The following BPTF variants were observed in gnomAD, a reference collection of about 807,000 sequenced individuals.
BPTF encodes the protein bromodomain PHD finger transcription factor, also known as nucleosome-remodeling factor subunit BPTF.
In BPTF, 18 loss-of-function variants were observed where a neutral mutation model predicts 292.5. The ratio of observed to expected loss-of-function variants is 0.06; its 90% CI spans 0.04 to 0.09. BPTF has a LOEUF of 0.09. Ranked by LOEUF, BPTF falls within the 10% of genes least tolerant of loss-of-function variation. The probability of loss-of-function intolerance (pLI) is 1.00; values close to 1 mark genes in which losing one functional copy is unlikely to be tolerated. For missense variants in BPTF, 2,726 were observed against 3,498.7 expected (o/e 0.78, Z 5.57); for synonymous variants, 1,225 against 1,251.9 (o/e 0.98, Z 0.45).
chr17:67,833,306 T>C (rs1202765308), intron 1 of BPTF, among the ~76,000 whole-genome samples: 1 of 150,872 alleles, frequency 6.6e-6, no homozygotes, highest in Non-Finnish European at 1.5e-5. Context: ...CTCAAACTCC[T>C]GGACTCAGGC....
At position 67,911,055 on chromosome 17, in the gene BPTF, A is replaced by G; in HGVS notation, c.3171A>G (p.Ser1057=). 2 of 1,614,130 alleles carry G rather than the reference A, an allele frequency of 1.2e-6. No homozygotes were observed. The highest frequency in any genetic ancestry group is 8.5e-7 in the Non-Finnish European group (1 of 1,180,010). Residue 1057 remains serine, a synonymous_variant, in exon 11 of 28, where the codon TCA becomes TCG. Coordinates refer to ENST00000306378, the MANE Select transcript of BPTF (RefSeq NM_182641.4). Reference sequence around the variant, plus strand: ...CTAGTTACAAAAAGAAAACAAAATCATCCAAACTAGATGGACTTCTTGAAA... The same window carrying G: ...CTAGTTACAAAAAGAAAACAAAATCGTCCAAACTAGATGGACTTCTTGAAA... ...LRTSYKKKTK[S]SKLDGLLERR...
rs776813911 is a variant in BPTF at position 67,918,815 on chromosome 17, C to T, written c.5405C>T (p.Pro1802Leu). 1.9e-6 allele frequency: 3 copies of T among 1,613,498 alleles called. No homozygotes were observed. The highest frequency in any genetic ancestry group is 2.5e-6 in the Non-Finnish European group (3 of 1,179,616). ...RWDDMAAKAP[P>L]GGGTTRTETS... ...GATGATATGGCGGCCAAGGCTCCTC[C>T]AGGAGGAGGGACTACACGGACAGGT... Residue 1802 changes from proline (P) to leucine (L), a missense_variant, in exon 12 of 28, where the codon CCA (proline) becomes CTA (leucine). By Grantham distance (98) the Pro-to-Leu change is moderately conservative. Transcript: ENST00000306378.
chr17:67,951,212 T>C (rs1555678393), intron 23 of BPTF: 1 of 152,164 alleles, frequency 6.6e-6, no homozygotes, highest in African/African-American at 2.4e-5. Flanking sequence ...TCTCTCTTTT[T>C]CTCAGAGGTT....
intron 3 of BPTF, among the ~76,000 whole-genome samples, chr17:67,873,232 C>T (rs1039385569): frequency 1.6e-4 from 24 of 152,010 alleles, no homozygotes; most frequent in African/African-American, 5.3e-4. Context: ...CTGAGGTGGG[C>T]GGATCACCTG....
rs907185574 is a variant in BPTF at position 67,841,714 on chromosome 17, T to G, written c.614-12226T>G. ...ACCATACCTGGCCATATCATTATAATTTGAAATGGTTTCTTGTTTGTTTTT... is the reference window on the plus strand; with the variant it reads ...ACCATACCTGGCCATATCATTATAAGTTGAAATGGTTTCTTGTTTGTTTTT... On this transcript the variant is annotated intron_variant, in intron 1 of 27. Transcript: ENST00000306378. Among the ~76,000 whole-genome samples, 52 of 152,164 alleles carry G rather than the reference T, an allele frequency of 3.4e-4. 1 individual carries two copies. Among genetic ancestry groups the G allele is most frequent in the Admixed American group, 2.4e-3 (37 of 15,276 alleles).
chr17:67,825,984 C>A lies in BPTF; in HGVS notation c.260C>A (p.Thr87Asn). Residue 87 changes from threonine (T) to asparagine (N), a missense_variant, in exon 1 of 28, where the codon ACC (threonine) becomes AAC (asparagine). Thr to Asn is a moderately conservative substitution (Grantham distance 65, BLOSUM62 0). This residue lies in a region of BPTF where 103 missense variants were observed against 72.1 expected (regional missense o/e 1.43). Transcript: ENST00000306378. ...CCGCCGCCGCCGGCCCCCCCCAGCA[C>A]CAGCGCCCCGGGCCGGGGGGGGCGA... ...PPPPPPAPPS[T>N]SAPGRGGRGG... is the part of the protein sequence containing the mutation. 4.6e-6 allele frequency: 5 copies of A among 1,087,130 alleles called. No homozygotes were observed. Among genetic ancestry groups the A allele is most frequent in the Non-Finnish European group, 5.6e-6 (5 of 896,152 alleles). 67.3% of individuals were successfully genotyped at this position (1,087,130 alleles called of 1,614,324 possible).
intron 9 of BPTF, among the ~76,000 whole-genome samples, 194 bp downstream of exon 9, chr17:67,905,034 A>C (rs1033804887): frequency 2.0e-5 from 3 of 152,212 alleles, no homozygotes; most frequent in African/African-American, 4.8e-5. Context: ...TTGATGTCTC[A>C]GATTTCCGTA....
At chr17:67,869,673 G>A (rs1433222216) in intron 3 of BPTF, among the ~76,000 whole-genome samples, 1 of 151,888 alleles carries the variant, frequency 6.6e-6, no homozygotes, top group Non-Finnish European at 1.5e-5. Flanking sequence ...GATTCAGCAT[G>A]TAATGTACTT....
intron 11 of BPTF, among the ~76,000 whole-genome samples, chr17:67,913,515 A>G (rs1278861217): frequency 6.6e-6 from 1 of 152,212 alleles, no homozygotes; most frequent in Non-Finnish European, 1.5e-5. Flanking sequence ...CTCTGGGAAC[A>G]AGATAACCAC....
rs1162703433 is a variant in BPTF, at chr17:67,849,281, C to T, written c.614-4659C>T. Among the ~76,000 whole-genome samples, 3 of 152,234 alleles carry T rather than the reference C, an allele frequency of 2.0e-5. No homozygotes were observed. The East Asian group carries it at 5.8e-4, about 29-fold the overall frequency. ...ATTTACCAGATGATTTTTGCTGCAC[C>T]TCCATTTCAGGGCAGCTTTTCAAAC... On this transcript the variant is annotated intron_variant, in intron 1 of 27. Coordinates refer to ENST00000306378, the MANE Select transcript of BPTF (RefSeq NM_182641.4).
At chr17:67,885,696 A>C (rs1567978248) in intron 4 of BPTF, among the ~76,000 whole-genome samples, 1 of 152,208 alleles carries the variant, frequency 6.6e-6, no homozygotes, top group Admixed American at 6.5e-5. Flanking sequence ...TTCTGTTTCT[A>C]ATACTATTTG....
chr17:67,850,624 C>T (rs948210699), intron 1 of BPTF, among the ~76,000 whole-genome samples: 2 of 152,166 alleles, frequency 1.3e-5, no homozygotes, highest in African/African-American at 4.8e-5. Flanking sequence ...ACCTTGGACT[C>T]CCAAAGTGCT....
chr17:67,881,192 G>T (rs1327210676), intron 4 of BPTF, among the ~76,000 whole-genome samples: 1 of 152,068 alleles, frequency 6.6e-6, no homozygotes, highest in Non-Finnish European at 1.5e-5. Context: ...GAAACATTTT[G>T]TGTGGCTCAG....
intron 19 of BPTF, among the ~76,000 whole-genome samples, chr17:67,942,326 A>G (rs2065442838): frequency 2.6e-5 from 4 of 151,914 alleles, no homozygotes; most frequent in Admixed American, 2.0e-4. Context: ...AGAAAAACAA[A>G]AAAAAAAGGA....
chr17:67,924,007 G>C (rs1275453902), intron 14 of BPTF, among the ~76,000 whole-genome samples: 1 of 147,378 alleles, frequency 6.8e-6, no homozygotes, highest in Non-Finnish European at 1.5e-5. Flanking sequence ...ACGCCTGGCT[G>C]TTTTTTTTTA....
intron 16 of BPTF, among the ~76,000 whole-genome samples, 193 bp downstream of exon 16, chr17:67,928,794 T>G (rs1463977596): frequency 6.6e-6 from 1 of 152,252 alleles, no homozygotes; most frequent in Non-Finnish European, 1.5e-5. Context: ...TCTCTTACAT[T>G]ATTTCACTTT....
At chr17:67,938,245 T>C (rs2065084463) in intron 18 of BPTF, among the ~76,000 whole-genome samples, 1 of 152,234 alleles carries the variant, frequency 6.6e-6, no homozygotes, top group Admixed American at 6.5e-5. Flanking sequence ...TCTCTGCTTA[T>C]GATGGCAATG....
chr17:67,826,427 A>G, intron 1 of BPTF, 90 bp downstream of exon 1: 1 of 1,315,750 alleles, frequency 7.6e-7, no homozygotes. Context: ...TCCTGCTCCG[A>G]TCTCCCCCCA....
chr17:67,885,399 C>T (rs1299384726), intron 4 of BPTF, among the ~76,000 whole-genome samples: 1 of 152,170 alleles, frequency 6.6e-6, no homozygotes, highest in Non-Finnish European at 1.5e-5. Flanking sequence ...GCCTGGCCAA[C>T]ATGGTGAAAC....
Sources: allele counts gnomAD v4.1 joint callset (sites outside exome capture counted in the v4.1 genomes callset), GRCh38; gene constraint gnomAD v4.1.1; regional missense constraint gnomAD v4.1.1; transcripts MANE v1.5; gene names NCBI Gene and HGNC (gene_info 2026-07-23, HGNC 2026-07-21).